SLC39A12: variants seen among roughly 807,000 people sequenced by gnomAD.
SLC39A12 encodes solute carrier family 39 member 12.
A neutral mutation model predicts 71.1 loss-of-function variants in SLC39A12; 63 were observed. The observed-to-expected ratio is 0.89, with a 90% CI of 0.72 to 1.09. The LOEUF (loss-of-function observed/expected upper bound fraction) is 1.09. Ranked by LOEUF, SLC39A12 falls within the 50% of genes least tolerant of loss-of-function variation. The probability of loss-of-function intolerance (pLI) is 0.00; values close to 1 mark genes in which losing one functional copy is unlikely to be tolerated. For missense variants in SLC39A12, 892 were observed against 812.6 expected, an observed-to-expected ratio of 1.10 and a Z score of -1.19; for synonymous variants, 351 against 301.3, an observed-to-expected ratio of 1.16 and a Z score of -1.71.
In SLC39A12 at chr10:18,007,542, A is replaced by G. The variant is rs116811890; in HGVS notation, c.1947+4184A>G. On this transcript the variant is annotated intron_variant, in intron 12 of 12. Coordinates refer to ENST00000377369, the MANE Select transcript of SLC39A12 (RefSeq NM_001145195.2). The stretch of plus-strand genomic sequence containing the variant: ...GAGTCCACAGTGCAAAGAAAAAACA[A>G]GTTTATTAAGAAAGTAAAAGGATAA... Among the ~76,000 whole-genome samples, 1,216 of 152,326 alleles carry G rather than the reference A, an allele frequency of 8.0e-3. 18 individuals carry two copies. Among genetic ancestry groups the G allele is most frequent in the African/African-American group, 0.028 (1,144 of 41,572 alleles).
At chr10:18,030,315 C>T (rs1013589582) in intron 12 of SLC39A12, among the ~76,000 whole-genome samples, 2 of 151,198 alleles carry the variant, frequency 1.3e-5, no homozygotes, top group Non-Finnish European at 2.9e-5. Flanking sequence ...CAGGCTGGAG[C>T]ACAGTGGCGC....
intron 12 of SLC39A12, among the ~76,000 whole-genome samples, chr10:18,039,767 T>C (rs1397263491): frequency 1.3e-5 from 2 of 152,196 alleles, no homozygotes; most frequent in Non-Finnish European, 2.9e-5. Flanking sequence ...CCCATGTATG[T>C]ACCTTGTTAA....
chr10:17,968,245 C>T (rs1052210691), intron 4 of SLC39A12, among the ~76,000 whole-genome samples: 1 of 151,898 alleles, frequency 6.6e-6, no homozygotes, highest in East Asian at 1.9e-4. Flanking sequence ...CATCTAATTG[C>T]GTTGGTTAAT....
chr10:18,007,692 G>A (rs1279789007), intron 12 of SLC39A12, among the ~76,000 whole-genome samples: 1 of 152,110 alleles, frequency 6.6e-6, no homozygotes, highest in African/African-American at 2.4e-5. Context: ...TAGACCATAT[G>A]GGGTAATGTC....
chr10:17,976,520 C>T (rs545425169), intron 4 of SLC39A12, among the ~76,000 whole-genome samples: 59 of 152,268 alleles, frequency 3.9e-4, no homozygotes, highest in Middle Eastern at 6.8e-3. Context: ...TGGATTCAAG[C>T]GATTCTCCCA....
chr10:17,989,323 A>T lies in SLC39A12; in HGVS notation c.1269+1672A>T, dbSNP rs1036496213. On this transcript the variant is annotated intron_variant, in intron 7 of 12. Coordinates refer to ENST00000377369, the MANE Select transcript of SLC39A12 (RefSeq NM_001145195.2). Reference sequence around the variant, plus strand: ...ATCACAAAGGGAGCATTGGAAAAATAAAACCATTATGAGTTTTAATTGCCC... The same window carrying T: ...ATCACAAAGGGAGCATTGGAAAAATTAAACCATTATGAGTTTTAATTGCCC... Among the ~76,000 whole-genome samples the T allele has an allele frequency of 6.6e-5, 10 of 152,382 alleles. No homozygotes were observed. The East Asian group carries it at 1.9e-3, about 29-fold the overall frequency.
At chr10:18,001,107 T>A (rs1411942556) in intron 11 of SLC39A12, among the ~76,000 whole-genome samples, 1 of 151,438 alleles carries the variant, frequency 6.6e-6, no homozygotes, top group Non-Finnish European at 1.5e-5. Flanking sequence ...AGAGAAATAT[T>A]TTAAAGAATT....
Position 17,961,642 on chromosome 10 carries a change from A to G in SLC39A12, c.323A>G (p.Glu108Gly), listed in dbSNP as rs782658779. 1.2e-6 allele frequency: 2 copies of G among 1,614,014 alleles called. No individual in the cohort carries two copies. The highest frequency in any genetic ancestry group is 2.2e-5 in the East Asian group (1 of 44,868). ...GGAAATTTTGAAGATCAGCTTAGAGAAGAAGTGGTCCAGAGAGTTTCTCTT... is the reference window on the plus strand; with the variant it reads ...GGAAATTTTGAAGATCAGCTTAGAGGAGAAGTGGTCCAGAGAGTTTCTCTT... ...AGGNFEDQLR[E>G]EVVQRVSLLL... The change falls in exon 3 of 13, where the codon GAA becomes GGA. Residue 108 changes from glutamate (E) to glycine (G), a missense_variant. Glu to Gly is a moderately conservative substitution (Grantham distance 98). Coordinates refer to ENST00000377369, the MANE Select transcript of SLC39A12 (RefSeq NM_001145195.2).
chr10:17,986,235 T>C (rs994519418), intron 6 of SLC39A12, among the ~76,000 whole-genome samples: 3 of 152,206 alleles, frequency 2.0e-5, no homozygotes, highest in African/African-American at 7.2e-5. Context: ...TCTTTGAGGG[T>C]TGGAGGTGAG....
In SLC39A12 at chr10:17,981,403, G is replaced by A. The variant is rs760110052; in HGVS notation, c.1016G>A (p.Gly339Glu). The change falls in exon 6 of 13, where the codon GGG becomes GAG. Residue 339 changes from glycine (G) to glutamate (E), a missense_variant. Transcript: ENST00000377369. ...GAGGACTTTAAGCAAATGAGTCCAG[G>A]GATCATCCAGCAGCTCCTCAGCTGC... ...SKEDFKQMSP[G>E]IIQQLLSCSC... The A allele has an allele frequency of 2.5e-6, 4 of 1,613,890 alleles. No homozygotes were observed. The East Asian group carries it at 6.7e-5, about 27-fold the overall frequency.
chr10:17,978,683 A>T (rs1452103884), intron 5 of SLC39A12, among the ~76,000 whole-genome samples: 1 of 152,234 alleles, frequency 6.6e-6, no homozygotes, highest in Non-Finnish European at 1.5e-5. Flanking sequence ...TACTTAAGGC[A>T]TGCATCTTCT....
In SLC39A12 at chr10:17,979,337, A is replaced by G. The variant is rs11011838; in HGVS notation, c.924+1263A>G. On this transcript the variant is annotated intron_variant, in intron 5 of 12. Coordinates refer to ENST00000377369, the MANE Select transcript of SLC39A12 (RefSeq NM_001145195.2). Reference sequence around the variant, plus strand: ...CCAAGGGCGCAGAAGTTTGTAATAGAATAACCTTACTCTCTGAGAAGGTAT... The same window carrying G: ...CCAAGGGCGCAGAAGTTTGTAATAGGATAACCTTACTCTCTGAGAAGGTAT... Among the ~76,000 whole-genome samples the G allele has an allele frequency of 5.9e-3, 901 of 152,326 alleles. 13 individuals carry two copies. The highest frequency in any genetic ancestry group is 0.021 in the African/African-American group (862 of 41,570).
intron 3 of SLC39A12, among the ~76,000 whole-genome samples, chr10:17,963,758 C>T (rs940290546): frequency 7.9e-5 from 12 of 152,310 alleles, no homozygotes; most frequent in South Asian, 2.1e-4. Flanking sequence ...CCAGGCCCAT[C>T]ATTACTTGAA....
At position 18,011,658 on chromosome 10, in the gene SLC39A12, G is replaced by A. The variant is rs374008441; in HGVS notation, c.1947+8300G>A. Among the ~76,000 whole-genome samples the A allele has an allele frequency of 1.3e-4, 20 of 152,230 alleles. No individual in the cohort carries two copies. In the East Asian group the frequency reaches 2.3e-3, roughly 18 times the overall value. ...TGTCTTTGCTGAGCTTTACGACTAA[G>A]AATTTGTCTAACTGAATCACTTCCC... is the stretch of plus-strand genomic sequence containing the variant. On this transcript the variant is annotated intron_variant, in intron 12 of 12. Transcript: ENST00000377369.
chr10:18,029,660 C>G (rs899938757), intron 12 of SLC39A12, among the ~76,000 whole-genome samples: 1 of 152,118 alleles, frequency 6.6e-6, no homozygotes. Context: ...TTCCCCTCCT[C>G]TACTCTTAGA....
At chr10:17,972,319 T>C (rs1486420212) in intron 4 of SLC39A12, among the ~76,000 whole-genome samples, 1 of 152,188 alleles carries the variant, frequency 6.6e-6, no homozygotes, top group East Asian at 1.9e-4. Flanking sequence ...AGCTGTTGGA[T>C]GAAATGTTCT....
intron 8 of SLC39A12, among the ~76,000 whole-genome samples, chr10:17,991,769 T>G (rs1835553751): frequency 6.6e-6 from 1 of 152,178 alleles, no homozygotes; most frequent in Non-Finnish European, 1.5e-5. Flanking sequence ...AGTAATTTCT[T>G]TTATTATACC....
At chr10:18,035,237 G>C (rs112883064) in intron 12 of SLC39A12, among the ~76,000 whole-genome samples, 2,989 of 145,156 alleles carry the variant, frequency 0.021, 93 homozygotes, top group African/African-American at 0.076. Context: ...ATATCCTGCA[G>C]AGTGTTTTCC....
At chr10:18,027,949 C>T (rs1328440369) in intron 12 of SLC39A12, among the ~76,000 whole-genome samples, 2 of 152,226 alleles carry the variant, frequency 1.3e-5, no homozygotes, top group Admixed American at 6.5e-5. Flanking sequence ...AGAAATTAAA[C>T]ATAATTAGGA....
Sources: allele counts gnomAD v4.1 joint callset (sites outside exome capture counted in the v4.1 genomes callset), GRCh38; gene constraint gnomAD v4.1.1; transcripts MANE v1.5; gene names NCBI Gene and HGNC (gene_info 2026-07-23, HGNC 2026-07-21).